Variants in CAMTA1 observed in about 807,000 individuals in gnomAD.
The protein encoded by CAMTA1 is calmodulin-binding transcription activator 1.
A neutral mutation model predicts 170.9 loss-of-function variants in CAMTA1; 27 were observed. The observed-to-expected ratio is 0.16, with a 90% CI of 0.12 to 0.22. The LOEUF is 0.22. CAMTA1 is among the 10% of genes least tolerant of loss of function. CAMTA1 has a pLI of 1.00. For missense variants in CAMTA1, 1,619 were observed against 2,217.2 expected, an observed-to-expected ratio of 0.73 and a Z score of 5.42; for synonymous variants, 833 against 891.5, an observed-to-expected ratio of 0.93 and a Z score of 1.17.
At chr1:6,954,566 T>C (rs1188074722) in intron 3 of CAMTA1, among the ~76,000 whole-genome samples, 2 of 152,212 alleles carry the variant, frequency 1.3e-5, no homozygotes, top group Non-Finnish European at 2.9e-5. Flanking sequence ...GTCCCAGCCT[T>C]GCACCTGGTA....
chr1:7,756,409 G>T (rs1033052505), intron 22 of CAMTA1, among the ~76,000 whole-genome samples: 2 of 152,162 alleles, frequency 1.3e-5, no homozygotes, highest in African/African-American at 4.8e-5. Context: ...GAATTTTAGA[G>T]AAATTACAAT....
chr1:7,355,536 A>G (rs2085045758), intron 5 of CAMTA1, among the ~76,000 whole-genome samples: 1 of 152,166 alleles, frequency 6.6e-6, no homozygotes, highest in Non-Finnish European at 1.5e-5. Flanking sequence ...CCCTACCCCC[A>G]AAATATAGCT....
chr1:6,902,039 TCACACACA>T (rs536174579), intron 3 of CAMTA1, among the ~76,000 whole-genome samples: 10 of 114,342 alleles, frequency 8.7e-5, no homozygotes, highest in Non-Finnish European at 1.2e-4. Flanking sequence ...GGTGAGACTG[TCACACACA>T]CACACACACA....
At chr1:7,515,148 C>T (rs1310703895) in intron 6 of CAMTA1, among the ~76,000 whole-genome samples, 2 of 151,302 alleles carry the variant, frequency 1.3e-5, no homozygotes, top group African/African-American at 4.9e-5. Flanking sequence ...GATCATCAGG[C>T]TGGTCCTCCC....
intron 11 of CAMTA1, among the ~76,000 whole-genome samples, chr1:7,697,931 T>C (rs2096393968): frequency 1.3e-5 from 2 of 152,126 alleles, no homozygotes. Flanking sequence ...ATGATGAGAA[T>C]GGGTACTTTC....
intron 3 of CAMTA1, among the ~76,000 whole-genome samples, chr1:6,978,374 C>T (rs1352340167): frequency 6.6e-6 from 1 of 152,176 alleles, no homozygotes; most frequent in Non-Finnish European, 1.5e-5. Context: ...TGGCTCACGC[C>T]TGTTATCCCA....
chr1:7,492,878 T>C (rs1376272782), intron 6 of CAMTA1, among the ~76,000 whole-genome samples: 3 of 115,290 alleles, frequency 2.6e-5, no homozygotes, highest in Non-Finnish European at 5.6e-5. Flanking sequence ...CACGCGCACA[T>C]GCACAAACAC....
intron 4 of CAMTA1, among the ~76,000 whole-genome samples, chr1:7,162,990 C>T (rs902318642): frequency 1.3e-5 from 2 of 151,986 alleles, no homozygotes; most frequent in Non-Finnish European, 1.5e-5. Flanking sequence ...AGATTGTAGG[C>T]AGCAAGCGGG....
chr1:7,551,296 G>A (rs532318715), intron 6 of CAMTA1, among the ~76,000 whole-genome samples: 23 of 129,978 alleles, frequency 1.8e-4, no homozygotes, highest in African/African-American at 6.9e-4. Context: ...TGTGTGCGCA[G>A]GTGCACTGAG....
chr1:7,653,043 C>T (rs1467746867), intron 7 of CAMTA1, among the ~76,000 whole-genome samples: 3 of 152,176 alleles, frequency 2.0e-5, no homozygotes, highest in African/African-American at 4.8e-5. Context: ...GAGTGTGCCT[C>T]GAAGGCCTAT....
intron 16 of CAMTA1, 82 bp from the exon 17 acceptor site, chr1:7,744,753 C>A: frequency 8.0e-7 from 1 of 1,243,022 alleles, no homozygotes; most frequent in Non-Finnish European, 1.1e-6. Flanking sequence ...TTTTTTCTCT[C>A]CAAGGCGAGG....
chr1:6,804,846 C>T (rs2148261708), intron 1 of CAMTA1, among the ~76,000 whole-genome samples: 1 of 152,294 alleles, frequency 6.6e-6, no homozygotes, highest in East Asian at 1.9e-4. Context: ...TAAACCACTA[C>T]ACCTGGCCAC....
At chr1:7,049,988 G>A (rs931564643) in intron 3 of CAMTA1, among the ~76,000 whole-genome samples, 2 of 152,192 alleles carry the variant, frequency 1.3e-5, no homozygotes, top group African/African-American at 2.4e-5. Flanking sequence ...GTGAAGGAGG[G>A]AATGGGGTCC....
chr1:7,284,811 C>T (rs947244232), intron 5 of CAMTA1, among the ~76,000 whole-genome samples: 1 of 152,240 alleles, frequency 6.6e-6, no homozygotes, highest in South Asian at 2.1e-4. Flanking sequence ...GGTCGTAACT[C>T]AACAACTTCC....
At chr1:7,066,588 C>T (rs977707686) in intron 3 of CAMTA1, among the ~76,000 whole-genome samples, 1 of 152,218 alleles carries the variant, frequency 6.6e-6, no homozygotes, top group East Asian at 1.9e-4. Flanking sequence ...TTTGGTAGAA[C>T]TTGCATCAGG....
At chr1:7,205,036 A>G (rs1657467961) in intron 4 of CAMTA1, among the ~76,000 whole-genome samples, 1 of 151,440 alleles carries the variant, frequency 6.6e-6, no homozygotes, top group Non-Finnish European at 1.5e-5. Flanking sequence ...TCACCATGTT[A>G]GCCAGGATGG....
chr1:6,989,120 C>G (rs1473604497), intron 3 of CAMTA1, among the ~76,000 whole-genome samples: 1 of 152,174 alleles, frequency 6.6e-6, no homozygotes, highest in Non-Finnish European at 1.5e-5. Context: ...TTCCAGCCCT[C>G]AGGTGAGCCA....
At chr1:7,231,327 ATGTGTG>A (rs745744631) in intron 4 of CAMTA1, among the ~76,000 whole-genome samples, 1 of 141,880 alleles carries the variant, frequency 7.0e-6, no homozygotes, top group Non-Finnish European at 1.5e-5. Flanking sequence ...TACTGGCTTA[ATGTGTG>A]TGTGTGTGTG....
intron 3 of CAMTA1, among the ~76,000 whole-genome samples, chr1:6,844,565 AG>A (rs1168760524): frequency 6.6e-6 from 1 of 151,038 alleles, no homozygotes; most frequent in Non-Finnish European, 1.5e-5. Flanking sequence ...GCGTGCCTGT[AG>A]TCCCAGCTAC....
Sources: allele counts gnomAD v4.1 joint callset (sites outside exome capture counted in the v4.1 genomes callset), GRCh38; gene constraint gnomAD v4.1.1; transcripts MANE v1.5; gene names NCBI Gene and HGNC (gene_info 2026-07-23, HGNC 2026-07-21).